The following TMEM80 variants were observed in gnomAD, a reference collection of about 807,000 sequenced individuals.
The protein encoded by TMEM80 is transmembrane protein 80.
In TMEM80, 16 loss-of-function variants were observed where a neutral mutation model predicts 13.6. The ratio of observed to expected loss-of-function variants is 1.17; its 90% CI spans 0.79 to 1.78. The LOEUF (loss-of-function observed/expected upper bound fraction) is 1.78, where lower values mean the gene tolerates loss of function less well. Among genes scored for constraint, TMEM80 ranks in the 40% most tolerant of loss-of-function variants. TMEM80 has a pLI of 0.00. For missense variants in TMEM80, 167 were observed against 184.6 expected, an observed-to-expected ratio of 0.90 and a Z score of 0.55; for synonymous variants, 92 against 89.5, an observed-to-expected ratio of 1.03 and a Z score of -0.16.
At position 700,228 on chromosome 11, in the gene TMEM80, G is replaced by T. The variant is rs201741407; in HGVS notation, c.126G>T (p.Thr42=). The change falls in exon 3 of 5, where the codon ACG becomes ACT. Residue 42 remains threonine (T), a synonymous_variant. Coordinates refer to ENST00000397510, the MANE Select transcript of TMEM80 (RefSeq NM_001042463.3). ...TCCTCGCCACGCTCCTGATGATCAC[G>T]TATAAAAGTAAGTCAGGGACGGGCA... ...LYFLATLLMI[T]YKSQVFSYPH... 6.2e-7 allele frequency: 1 copy of T among 1,613,332 alleles called. No individual in the cohort carries two copies. The highest frequency in any genetic ancestry group is 1.1e-5 in the South Asian group (1 of 91,072).
At chr11:702,780 G>A (rs1252376116) in intron 4 of TMEM80, among the ~76,000 whole-genome samples, 165 bp from the exon 5 acceptor site, 1 of 152,252 alleles carries the variant, frequency 6.6e-6, no homozygotes, top group African/African-American at 2.4e-5. Context: ...TGGCTCTCCT[G>A]AGTTCTGGGT....
chr11:702,908 T>G, intron 4 of TMEM80, 37 bp from the exon 5 acceptor site: 1 of 1,554,224 alleles, frequency 6.4e-7, no homozygotes, highest in Non-Finnish European at 8.7e-7. Context: ...AGGGAGCGCC[T>G]CGCACCACCT....
chr11:704,310 C>A, downstream of TMEM80: 1 of 733,340 alleles, frequency 1.4e-6, no homozygotes, highest in Non-Finnish European at 2.0e-6. Context: ...CCTGGGCCTC[C>A]ACTGGGGCTC....
chr11:704,933 C>T (rs972846408), downstream of TMEM80: 20 of 345,902 alleles, frequency 5.8e-5, no homozygotes, highest in East Asian at 5.4e-4. Flanking sequence ...GAGGGGTTGG[C>T]GTGTGTGACC....
chr11:696,051 C>T (rs1359833010), intron 1 of TMEM80, among the ~76,000 whole-genome samples: 1 of 152,044 alleles, frequency 6.6e-6, no homozygotes, highest in African/African-American at 2.4e-5. Context: ...AGAGCTCCCC[C>T]GCGCGCGGGC....
chr11:697,761 G>T (rs6597990), intron 1 of TMEM80: 101,937 of 152,174 alleles, frequency 0.67, 34,312 homozygotes, highest in East Asian at 0.93. Flanking sequence ...GGCCTGCCGG[G>T]AACGCGATGC....
At chr11:699,856 CCT>C in intron 2 of TMEM80, 1 of 387,798 alleles carries the variant, frequency 2.6e-6, no homozygotes, top group Non-Finnish European at 4.7e-6. Flanking sequence ...GAGGCTGTCC[CCT>C]GACCAGTCCT....
At chr11:704,200 T>G, downstream of TMEM80, 1 of 1,017,258 alleles carries the variant, frequency 9.8e-7, no homozygotes, top group Non-Finnish European at 1.3e-6. Context: ...CACACCCCAC[T>G]TGCCAGCTGG....
downstream of TMEM80, chr11:704,442 T>C: frequency 3.1e-6 from 4 of 1,288,422 alleles, no homozygotes; most frequent in Non-Finnish European, 4.0e-6. Flanking sequence ...TGGCCCCCAG[T>C]GGCCACGGTG....
intron 4 of TMEM80, among the ~76,000 whole-genome samples, chr11:702,048 C>G (rs1861521411): frequency 6.6e-6 from 1 of 152,216 alleles, no homozygotes; most frequent in South Asian, 2.1e-4. Flanking sequence ...CCCTGCCAGG[C>G]TGGAATCTTG....
In TMEM80 at chr11:699,219, T is replaced by G. The variant is rs192016339; in HGVS notation, c.39+331T>G. The stretch of plus-strand genomic sequence containing the variant: ...TTGTCCCTAGATTCATTTTATTTTA[T>G]TTTTGTTTGTTTATGTTTTTTTAAG... On this transcript the variant is annotated intron_variant, in intron 2 of 4. Coordinates refer to ENST00000397510, the MANE Select transcript of TMEM80 (RefSeq NM_001042463.3). 237 of 413,740 alleles carry G rather than the reference T, an allele frequency of 5.7e-4. 2 individuals carry two copies. The East Asian group carries it at 8.7e-3, about 15-fold the overall frequency. The allele number at this position is 413,740 out of a possible 1,614,324, so 25.6% of individuals were successfully genotyped here.
intron 4 of TMEM80, 113 bp downstream of exon 4, chr11:700,820 A>G: frequency 9.9e-7 from 1 of 1,012,810 alleles, no homozygotes. Context: ...TTTTTTATCC[A>G]AACTGCTTAC....
chr11:699,536 C>A (rs193260888), intron 2 of TMEM80: 1 of 153,776 alleles, frequency 6.5e-6, no homozygotes, highest in Non-Finnish European at 1.4e-5. Flanking sequence ...CACTTGACAC[C>A]AGGAGTTTCA....
intron 4 of TMEM80, among the ~76,000 whole-genome samples, chr11:701,396 G>T (rs1261853342): frequency 7.1e-6 from 1 of 140,274 alleles, no homozygotes; most frequent in African/African-American, 2.6e-5. Flanking sequence ...GTAGAGACGA[G>T]ACAAGGTTTC....
At position 702,953 on chromosome 11, in the gene TMEM80, G is replaced by GT. The variant is rs1183420908; in HGVS notation, c.235_236insT (p.Gly79ValfsTer7). The GT allele has an allele frequency of 6.2e-7, 1 of 1,606,392 alleles. No homozygotes were observed. Among genetic ancestry groups the GT allele is most frequent in the Non-Finnish European group, 8.5e-7 (1 of 1,176,488 alleles). On this transcript the variant is annotated frameshift_variant, in exon 5 of 5. Coordinates refer to ENST00000397510, the MANE Select transcript of TMEM80 (RefSeq NM_001042463.3). LOFTEE classifies it low-confidence loss of function (END_TRUNC). ...TTTGCTCTGTTCTCCAGGCACCAGG[G>GT]GCAACCTGACAGAGGCTGAGAGGCC...
At chr11:702,880 C>T (rs939398802) in intron 4 of TMEM80, 65 bp from the exon 5 acceptor site, 3 of 1,482,870 alleles carry the variant, frequency 2.0e-6, no homozygotes, top group Admixed American at 3.8e-5. Flanking sequence ...CTCCAGGCAC[C>T]TGTGGGCGGT....
At chr11:699,626 T>C (rs1861351348) in intron 2 of TMEM80, 1 of 156,190 alleles carries the variant, frequency 6.4e-6, no homozygotes, top group Non-Finnish European at 1.4e-5. Flanking sequence ...TGCACGCCTG[T>C]AATCCCAGCT....
At position 703,155 on chromosome 11, in the gene TMEM80, G is replaced by T; in HGVS notation, c.*5G>T. On this transcript the variant is annotated 3_prime_UTR_variant, in exon 5 of 5. Transcript: ENST00000397510. ...ATCGCGGCCTTCACCAGGTAGCTAC[G>T]GACACCCGGGATACCCCACACTGGG... 1 of 1,599,354 alleles carries T rather than the reference G, an allele frequency of 6.3e-7. No individual in the cohort carries two copies. Among genetic ancestry groups the T allele is most frequent in the Non-Finnish European group, 8.5e-7 (1 of 1,170,338 alleles).
intron 4 of TMEM80, among the ~76,000 whole-genome samples, chr11:701,511 C>T (rs11246272): frequency 0.88 from 132,068 of 149,482 alleles, 58,583 homozygotes; most frequent in East Asian, 1. Flanking sequence ...CCCGGGTTCA[C>T]GCCAGTCTCC....
Sources: allele counts gnomAD v4.1 joint callset (sites outside exome capture counted in the v4.1 genomes callset), GRCh38; gene constraint gnomAD v4.1.1; transcripts MANE v1.5; gene names NCBI Gene and HGNC (gene_info 2026-07-23, HGNC 2026-07-21).